Variants in MIR2052HG observed in about 807,000 individuals in gnomAD.
MIR2052HG encodes the protein MIR2052 host gene.
At position 74,691,735 on chromosome 8, in the gene MIR2052HG, A is replaced by T. The variant is rs573240298; in HGVS notation, n.217-10644A>T. 6.6e-5 allele frequency among the ~76,000 whole-genome samples: 10 copies of T among 152,342 alleles called. No homozygotes were observed. The South Asian group carries it at 2.1e-3, about 32-fold the overall frequency. ...TTAGTTTTAGAAAGTTATTTCTGGT[A>T]GTACTATAATGTATAATTTGGTGAG... On this transcript the variant is annotated intron_variant and non_coding_transcript_variant, in intron 2 of 6. Transcript: ENST00000523442.
At chr8:74,709,608 T>C (rs1001679989) in intron 4 of MIR2052HG, among the ~76,000 whole-genome samples, 2 of 152,168 alleles carry the variant, frequency 1.3e-5, no homozygotes, top group East Asian at 3.8e-4. Context: ...ATCTCTTAGA[T>C]TTCTATATTA....
chr8:74,694,002 G>A (rs1206681934), intron 2 of MIR2052HG, among the ~76,000 whole-genome samples: 2 of 152,022 alleles, frequency 1.3e-5, no homozygotes, highest in African/African-American at 4.8e-5. Context: ...CTATACTATT[G>A]CAGCTGATGC....
At chr8:74,672,483 C>T (rs968437260) in intron 2 of MIR2052HG, among the ~76,000 whole-genome samples, 2 of 152,002 alleles carry the variant, frequency 1.3e-5, no homozygotes, top group African/African-American at 4.8e-5. Flanking sequence ...GACTACCAGT[C>T]ATGATAGTTA....
intron 2 of MIR2052HG, among the ~76,000 whole-genome samples, chr8:74,630,987 T>G (rs931322099): frequency 6.6e-6 from 1 of 152,238 alleles, no homozygotes; most frequent in Non-Finnish European, 1.5e-5. Flanking sequence ...AATGTAATTA[T>G]GTGTACTTAA....
Position 74,622,084 on chromosome 8 carries a change from G to A in MIR2052HG, n.216+9144G>A, listed in dbSNP as rs964842728. Among the ~76,000 whole-genome samples, 11 of 152,104 alleles carry A rather than the reference G, an allele frequency of 7.2e-5. No homozygotes were observed. In the East Asian group the frequency reaches 1.2e-3, roughly 16 times the overall value. ...TATCAATCCAAAAAGCACCTGCACC[G>A]CAAAGAAAGCAATCAACAGAGTGAA... On this transcript the variant is annotated intron_variant and non_coding_transcript_variant, in intron 2 of 6. Coordinates refer to ENST00000523442, the Ensembl canonical transcript of MIR2052HG.
At chr8:74,709,315 A>T (rs72667592) in intron 4 of MIR2052HG, among the ~76,000 whole-genome samples, 2,309 of 152,264 alleles carry the variant, frequency 0.015, 31 homozygotes, top group South Asian at 0.034. Flanking sequence ...GAAGTAGATT[A>T]ACTGGCATCA....
intron 2 of MIR2052HG, chr8:74,633,113 A>T (rs1808537852): frequency 6.6e-6 from 1 of 152,328 alleles, no homozygotes; most frequent in South Asian, 2.1e-4. Flanking sequence ...TCAACCTCCC[A>T]AGCTCAAGCA....
At chr8:74,722,161 A>T (rs1416318911) in intron 4 of MIR2052HG, among the ~76,000 whole-genome samples, 1 of 152,164 alleles carries the variant, frequency 6.6e-6, no homozygotes, top group Non-Finnish European at 1.5e-5. Flanking sequence ...TGGGCAACAG[A>T]CAGAGTAAAG....
chr8:74,691,845 A>G (rs1329685520), intron 2 of MIR2052HG, among the ~76,000 whole-genome samples: 3 of 152,178 alleles, frequency 2.0e-5, no homozygotes, highest in African/African-American at 7.2e-5. Flanking sequence ...GTTTTCCCAT[A>G]TCTCAGCCAG....
At chr8:74,628,565 A>C (rs2128733772) in intron 2 of MIR2052HG, among the ~76,000 whole-genome samples, 1 of 152,264 alleles carries the variant, frequency 6.6e-6, no homozygotes, top group South Asian at 2.1e-4. Context: ...AAACCGGAAA[A>C]TTGGGCATTT....
intron 2 of MIR2052HG, among the ~76,000 whole-genome samples, chr8:74,678,605 A>G (rs1809083117): frequency 6.6e-6 from 1 of 150,858 alleles, no homozygotes; most frequent in East Asian, 1.9e-4. Flanking sequence ...AATGATAACA[A>G]TTCCCAAGTC....
At chr8:74,752,444 C>T (rs766503323) in exon 5 of MIR2052HG, 5 of 441,460 alleles carry the variant, frequency 1.1e-5, no homozygotes, top group East Asian at 8.0e-5. Flanking sequence ...GCACTAGGCC[C>T]GCGTTCAGTC....
chr8:74,636,934 C>T (rs1245079093), intron 2 of MIR2052HG, among the ~76,000 whole-genome samples: 1 of 152,114 alleles, frequency 6.6e-6, no homozygotes, highest in Non-Finnish European at 1.5e-5. Context: ...AATATGCTCA[C>T]AGCTATGTTG....
chr8:74,613,513 C>T (rs1176270061), intron 2 of MIR2052HG, among the ~76,000 whole-genome samples: 1 of 152,064 alleles, frequency 6.6e-6, no homozygotes, highest in Admixed American at 6.5e-5. Flanking sequence ...GAGACAGAGT[C>T]TCGCTGTGTC....
rs112062720 is a variant in MIR2052HG at position 74,647,975 on chromosome 8, A to T, written n.216+35035A>T. 6.9e-3 allele frequency among the ~76,000 whole-genome samples: 1,047 copies of T among 152,238 alleles called. 5 individuals are homozygous for T. Among genetic ancestry groups the T allele is most frequent in the South Asian group, 0.02 (96 of 4,818 alleles). ...CTCAAGACCACTATTGTACAAATTGATTGTAAAATATGTGTGTTTGAACAA... is the reference window on the plus strand; with the variant it reads ...CTCAAGACCACTATTGTACAAATTGTTTGTAAAATATGTGTGTTTGAACAA... On this transcript the variant is annotated intron_variant and non_coding_transcript_variant, in intron 2 of 6. Transcript: ENST00000523442.
intron 4 of MIR2052HG, among the ~76,000 whole-genome samples, chr8:74,705,525 A>G (rs1809401486): frequency 6.6e-6 from 1 of 151,988 alleles, no homozygotes; most frequent in Non-Finnish European, 1.5e-5. Context: ...CCTTTTGAGG[A>G]CTCTGACCAA....
At position 74,689,351 on chromosome 8, in the gene MIR2052HG, C is replaced by T. The variant is rs561951925; in HGVS notation, n.217-13028C>T. Among the ~76,000 whole-genome samples, 7 of 152,280 alleles carry T rather than the reference C, an allele frequency of 4.6e-5. No individual in the cohort carries two copies. In the East Asian group the frequency reaches 1.3e-3, roughly 29 times the overall value. ...TTATAGCATGAATTGTGTGATTCTT[C>T]TCTATTTTTCTTTTCTTGCCAATTC... On this transcript the variant is annotated intron_variant and non_coding_transcript_variant, in intron 2 of 6. Transcript: ENST00000523442.
intron 4 of MIR2052HG, among the ~76,000 whole-genome samples, chr8:74,730,288 A>G (rs918082699): frequency 1.3e-5 from 2 of 152,184 alleles, no homozygotes; most frequent in African/African-American, 2.4e-5. Flanking sequence ...GGATCCAGCC[A>G]CATGCCCTTC....
chr8:74,654,534 G>T (rs1808784335), intron 2 of MIR2052HG, among the ~76,000 whole-genome samples: 1 of 152,096 alleles, frequency 6.6e-6, no homozygotes, highest in Admixed American at 6.6e-5. Context: ...TAGTGAATAA[G>T]TCTTATGAGA....
Sources: gnomAD v4.1 joint callset for allele counts (sites outside exome capture counted in the v4.1 genomes callset) on GRCh38, gnomAD v4.1.1 for gene constraint, MANE v1.5 for transcripts, NCBI Gene and HGNC (gene_info 2026-07-23, HGNC 2026-07-21) for gene names.